Variants in EPB41L3 observed in about 807,000 individuals in gnomAD.
EPB41L3 encodes the protein erythrocyte membrane protein band 4.1 like 3, also known as band 4.1-like protein 3.
EPB41L3 carries 57 observed loss-of-function variants against 127.1 expected under a neutral mutation model. The observed-to-expected ratio is 0.45, with a 90% CI of 0.36 to 0.56. The LOEUF is 0.56. EPB41L3 is among the 20% of genes least tolerant of loss of function. The pLI is 0.00. For missense variants in EPB41L3, 1,273 were observed against 1,372.2 expected (o/e 0.93, Z 1.14); for synonymous variants, 572 against 549.5 (o/e 1.04, Z -0.57).
chr18:5,560,947 ATT>A (rs1568573876), intron 3 of EPB41L3, among the ~76,000 whole-genome samples: 1 of 7,388 alleles, frequency 1.4e-4, no homozygotes, highest in South Asian at 6.7e-3. Flanking sequence ...GTAATTATTT[ATT>A]TATTTATTTA....
Position 5,478,435 on chromosome 18 carries a change from T to C in EPB41L3, c.187A>G (p.Thr63Ala). ...GCAGCAAACTCCTGTTCCTTGTCAG[T>C]GACCTGTGAAGAGCAAACAATCAAC... ...AHSTPVRREV[T>A]DKEQEFAARA... The change falls in exon 3 of 23, where the codon ACT becomes GCT. Residue 63 changes from threonine to alanine, a missense_variant. Thr to Ala is a moderately conservative substitution (Grantham distance 58, BLOSUM62 0). Transcript: ENST00000341928. 1.2e-6 allele frequency: 2 copies of C among 1,614,112 alleles called. No homozygotes were observed. Among genetic ancestry groups the C allele is most frequent in the Non-Finnish European group, 1.7e-6 (2 of 1,179,986 alleles).
intron 2 of EPB41L3, among the ~76,000 whole-genome samples, chr18:5,486,407 C>T (rs1323662789): frequency 6.6e-6 from 1 of 151,790 alleles, no homozygotes; most frequent in Non-Finnish European, 1.5e-5. Context: ...TGAGGAAATG[C>T]TCCAGGAGGT....
chr18:5,445,604 G>A (rs189818047), intron 3 of EPB41L3, among the ~76,000 whole-genome samples: 2 of 152,186 alleles, frequency 1.3e-5, no homozygotes, highest in Non-Finnish European at 2.9e-5. Flanking sequence ...GACAGTGAAA[G>A]AGTACATAAC....
chr18:5,582,376 G>C lies in EPB41L3; in HGVS notation c.-306+29964C>G, dbSNP rs559415592. 1.6e-4 allele frequency among the ~76,000 whole-genome samples: 24 copies of C among 152,228 alleles called. 1 individual carries two copies. The East Asian group carries it at 1.7e-3, about 11-fold the overall frequency. Reference sequence around the variant, plus strand: ...CAGGTAAAGGAAAGAAGATGGGGTGGGGGGAGGACCAAGAACTTGGCAGCT... The same window carrying C: ...CAGGTAAAGGAAAGAAGATGGGGTGCGGGGAGGACCAAGAACTTGGCAGCT... On this transcript the variant is annotated intron_variant, in intron 3 of 21. Coordinates refer to the EPB41L3 transcript ENST00000545076.
At chr18:5,577,679 G>A (rs2094349799) in intron 3 of EPB41L3, 1 of 160,476 alleles carries the variant, frequency 6.2e-6, no homozygotes, top group Admixed American at 6.5e-5. Context: ...GTAGATCCCA[G>A]CAGCAGAGAA....
intron 3 of EPB41L3, among the ~76,000 whole-genome samples, chr18:5,449,877 T>A (rs1051324911): frequency 6.6e-6 from 1 of 152,210 alleles, no homozygotes; most frequent in African/African-American, 2.4e-5. Context: ...TAAAGTTTAA[T>A]TTATAAAATA....
chr18:5,403,912 TACAA>T (rs1389510245), intron 16 of EPB41L3, among the ~76,000 whole-genome samples: 1 of 152,150 alleles, frequency 6.6e-6, no homozygotes, highest in Non-Finnish European at 1.5e-5. Context: ...GTGCATAACA[TACAA>T]ACAATTAAAA....
At chr18:5,411,685 G>A (rs2076216739) in intron 13 of EPB41L3, among the ~76,000 whole-genome samples, 2 of 134,852 alleles carry the variant, frequency 1.5e-5, no homozygotes, top group Non-Finnish European at 3.0e-5. Context: ...AAATGAAAAT[G>A]GGAGGCGAGT....
rs544354249 is a variant in EPB41L3, at chr18:5,394,955, C to T, written c.3153+112G>A. The T allele has an allele frequency of 2.8e-4, 350 of 1,261,014 alleles. 5 individuals carry two copies. The South Asian group carries it at 4.0e-3, about 14-fold the overall frequency. The allele number at this position is 1,261,014 out of a possible 1,614,324, so 78.1% of individuals were successfully genotyped here. A position where few individuals can be genotyped will look rare whatever the true frequency, so the allele number is the denominator to read the frequency against. ...TAAATCATATATTGGAAAGTTAATT[C>T]GGAATTTTCTTCGGAATACATGCTG... On this transcript the variant is annotated intron_variant, in intron 21 of 22. Transcript: ENST00000341928.
intron 6 of EPB41L3, among the ~76,000 whole-genome samples, chr18:5,437,193 TG>T (rs1161399336): frequency 6.6e-6 from 1 of 152,018 alleles, no homozygotes; most frequent in African/African-American, 2.4e-5. Flanking sequence ...GATCACAAGG[TG>T]GGGGTCTCTG....
Position 5,428,397 on chromosome 18 carries a change from C to T in EPB41L3, c.981G>A (p.Leu327=), listed in dbSNP as rs555035446. 9 of 1,614,200 alleles carry T rather than the reference C, an allele frequency of 5.6e-6. No individual in the cohort carries two copies. Among genetic ancestry groups the T allele is most frequent in the African/African-American group, 5.3e-5 (4 of 75,048 alleles). Residue 327 remains leucine (L), a synonymous_variant, in exon 9 of 23, where the codon CTG becomes CTA. Transcript: ENST00000341928. ...TGGGCCAGGCAAATCTGTTTATTCGCAGCCGGTCGCGATATATCAACAGAC... is the reference window on the plus strand; with the variant it reads ...TGGGCCAGGCAAATCTGTTTATTCGTAGCCGGTCGCGATATATCAACAGAC... The part of the protein sequence containing the change: ...ASGLLIYRDR[L]RINRFAWPKV...
intron 3 of EPB41L3, among the ~76,000 whole-genome samples, chr18:5,583,110 G>A (rs1045790233): frequency 1.3e-5 from 2 of 152,194 alleles, no homozygotes; most frequent in African/African-American, 4.8e-5. Flanking sequence ...AAAATAATAT[G>A]CTGTGACTAT....
chr18:5,528,705 C>T (rs1251661458), intron 1 of EPB41L3, among the ~76,000 whole-genome samples: 1 of 152,108 alleles, frequency 6.6e-6, no homozygotes, highest in Non-Finnish European at 1.5e-5. Context: ...TCAAGTGATT[C>T]CCATGCCTCA....
intron 2 of EPB41L3, among the ~76,000 whole-genome samples, chr18:5,486,446 A>G: frequency 6.6e-6 from 1 of 152,162 alleles, no homozygotes; most frequent in Non-Finnish European, 1.5e-5. Context: ...TTTTGTGTAT[A>G]AGACTTCAAA....
At chr18:5,629,489 A>G (rs2094964580), upstream of EPB41L3, among the ~76,000 whole-genome samples, 1 of 151,968 alleles carries the variant, frequency 6.6e-6, no homozygotes, top group South Asian at 2.1e-4. Flanking sequence ...CGGAATGCGG[A>G]GGTCAGAGCC....
Position 5,489,067 on chromosome 18 carries a change from C to T in EPB41L3, c.117G>A (p.Glu39=), listed in dbSNP as rs751835707. ...ACTGCTCCAGGGCCTGCTGCTGCTC[C>T]TCCTTGGGCGGCTCCGGCACGGGCG... ...AGAPVPEPPK[E]EQQQALEQFA... The change falls in exon 2 of 23, where the codon GAG becomes GAA. Residue 39 remains glutamate (E), a synonymous_variant. Coordinates refer to ENST00000341928, the MANE Select transcript of EPB41L3 (RefSeq NM_012307.5). 2.9e-5 allele frequency: 46 copies of T among 1,595,430 alleles called. No homozygotes were observed. In the South Asian group the frequency reaches 5.0e-4, roughly 17 times the overall value.
chr18:5,600,298 A>C (rs1318270582), intron 3 of EPB41L3, among the ~76,000 whole-genome samples: 1 of 152,280 alleles, frequency 6.6e-6, no homozygotes, highest in Middle Eastern at 3.4e-3. Context: ...CCACAGGCAA[A>C]GGTAATGTTT....
chr18:5,611,493 T>G (rs987806523), intron 3 of EPB41L3, among the ~76,000 whole-genome samples: 1 of 152,214 alleles, frequency 6.6e-6, no homozygotes, highest in Non-Finnish European at 1.5e-5. Flanking sequence ...TGTTGGTTAA[T>G]GTGTAGAGTT....
chr18:5,505,614 C>T lies in EPB41L3; in HGVS notation c.-11-16420G>A, dbSNP rs1160803828. Reference sequence around the variant, plus strand: ...CCCCTACTCTCCACACCTTCACCTCCACCTCTATGGTCCACACCTTCACCT... The same window carrying T: ...CCCCTACTCTCCACACCTTCACCTCTACCTCTATGGTCCACACCTTCACCT... On this transcript the variant is annotated intron_variant, in intron 1 of 22. Transcript: ENST00000341928. Among the ~76,000 whole-genome samples, 10 of 147,360 alleles carry T rather than the reference C, an allele frequency of 6.8e-5. No individual in the cohort carries two copies. The East Asian group carries it at 1.2e-3, about 18-fold the overall frequency.
Sources: gnomAD v4.1 joint callset for allele counts (sites outside exome capture counted in the v4.1 genomes callset) on GRCh38, gnomAD v4.1.1 for gene constraint, MANE v1.5 for transcripts, NCBI Gene and HGNC (gene_info 2026-07-23, HGNC 2026-07-21) for gene names.